The following BCL11B variants were observed in gnomAD, a reference collection of about 807,000 sequenced individuals.
BCL11B encodes B-cell lymphoma/leukemia 11B.
In BCL11B, 8 loss-of-function variants were observed where a neutral mutation model predicts 49.9. That is an observed-to-expected ratio of 0.16 (90% confidence interval 0.09 to 0.29). The LOEUF (loss-of-function observed/expected upper bound fraction) is 0.29. Ranked by LOEUF, BCL11B falls within the 10% of genes least tolerant of loss-of-function variation. The pLI, the probability that BCL11B is intolerant of heterozygous loss-of-function variation, is 1.00. For synonymous variants in BCL11B, 739 were observed against 637.4 expected, an observed-to-expected ratio of 1.16 and a Z score of -2.40; for missense variants, 1,006 against 1,351.0, an observed-to-expected ratio of 0.74 and a Z score of 4.00.
chr14:99,212,911 C>T lies in BCL11B; in HGVS notation c.640+18434G>A, dbSNP rs74080359. ...TAGACAAGAAGTCTCTGGGTCTGTC[C>T]CCAAACCCAGTGATACTTTGCTTTG... is the stretch of plus-strand genomic sequence containing the variant. On this transcript the variant is annotated intron_variant, in intron 3 of 3. Coordinates refer to ENST00000357195, the MANE Select transcript of BCL11B (RefSeq NM_138576.4). 7.0e-3 allele frequency among the ~76,000 whole-genome samples: 1,060 copies of T among 152,308 alleles called. 6 individuals are homozygous for T. The highest frequency in any genetic ancestry group is 0.024 in the African/African-American group (1,011 of 41,566).
At chr14:99,189,681 C>T (rs1378768851) in intron 3 of BCL11B, among the ~76,000 whole-genome samples, 4 of 152,204 alleles carry the variant, frequency 2.6e-5, no homozygotes, top group African/African-American at 7.2e-5. Flanking sequence ...GACTGCCCCC[C>T]ACCCCATGAG....
intron 3 of BCL11B, among the ~76,000 whole-genome samples, chr14:99,176,571 A>T (rs1394669207): frequency 6.6e-6 from 1 of 152,230 alleles, no homozygotes; most frequent in Non-Finnish European, 1.5e-5. Context: ...GGACTGTGTA[A>T]CAGCCCTGGC....
intron 3 of BCL11B, among the ~76,000 whole-genome samples, chr14:99,209,234 G>T (rs547397732): frequency 9.1e-4 from 138 of 152,248 alleles, no homozygotes; most frequent in African/African-American, 3.2e-3. Context: ...ACTCTGAAGG[G>T]AAAGGGCGAT....
intron 2 of BCL11B, among the ~76,000 whole-genome samples, chr14:99,234,108 G>A (rs1447956843): frequency 6.6e-6 from 1 of 152,096 alleles, no homozygotes; most frequent in Non-Finnish European, 1.5e-5. Context: ...TTCATAAGAG[G>A]CAAATCCACG....
Position 99,169,786 on chromosome 14 carries a change from C to A in BCL11B, c.*4365G>T, listed in dbSNP as rs956573535. Reference sequence around the variant, plus strand: ...CCTTCGGCTGACGGTTACTTAGGACCGGGATGAAAGGCTGATTTCCTTACT... The same window carrying A: ...CCTTCGGCTGACGGTTACTTAGGACAGGGATGAAAGGCTGATTTCCTTACT... On this transcript the variant is annotated 3_prime_UTR_variant, in exon 4 of 4. Transcript: ENST00000357195. 1 of 225,424 alleles carries A rather than the reference C, an allele frequency of 4.4e-6. No individual in the cohort carries two copies. The highest frequency in any genetic ancestry group is 2.2e-5 in the African/African-American group (1 of 44,848). 14.0% of individuals were successfully genotyped at this position (225,424 alleles called of 1,614,324 possible). A position where few individuals can be genotyped will look rare whatever the true frequency, so the allele number is the denominator to read the frequency against.
chr14:99,262,772 C>T lies in BCL11B; in HGVS notation c.59-4933G>A, dbSNP rs1333240723. Reference sequence around the variant, plus strand: ...CAGGCGACACGGAAACGCCACCACACGCACACTCGACGGAGCACAACACTT... The same window carrying T: ...CAGGCGACACGGAAACGCCACCACATGCACACTCGACGGAGCACAACACTT... On this transcript the variant is annotated intron_variant, in intron 1 of 3. Coordinates refer to ENST00000357195, the MANE Select transcript of BCL11B (RefSeq NM_138576.4). This position sits in a 1 kb window ranked among gnomAD's most constrained non-coding sequence, Gnocchi z 4.2. Among the ~76,000 whole-genome samples the T allele has an allele frequency of 1.3e-5, 2 of 152,080 alleles. No homozygotes were observed. Among genetic ancestry groups the T allele is most frequent in the Non-Finnish European group, 2.9e-5 (2 of 68,030 alleles).
At chr14:99,187,356 C>T (rs1337925796) in intron 3 of BCL11B, among the ~76,000 whole-genome samples, 2 of 152,138 alleles carry the variant, frequency 1.3e-5, no homozygotes, top group Non-Finnish European at 2.9e-5. Context: ...TTAGAGGTCC[C>T]GCCTTCGGAT....
intron 2 of BCL11B, among the ~76,000 whole-genome samples, chr14:99,233,600 G>C (rs1888400056): frequency 6.6e-6 from 1 of 152,324 alleles, no homozygotes; most frequent in East Asian, 1.9e-4. Flanking sequence ...TCGAGGCCTG[G>C]TAAGGGTTGT....
intron 3 of BCL11B, among the ~76,000 whole-genome samples, chr14:99,199,704 ACGTGTGTG>A (rs1230151052): frequency 4.8e-5 from 3 of 62,478 alleles, no homozygotes; most frequent in Non-Finnish European, 1.0e-4. Context: ...GCGCACGTGC[ACGTGTGTG>A]CGTGTGTGCA....
chr14:99,199,689 CGCGCGCGCACGT>C (rs1307648331), intron 3 of BCL11B, among the ~76,000 whole-genome samples: 1 of 60,148 alleles, frequency 1.7e-5, no homozygotes, highest in Admixed American at 1.6e-4. Context: ...TGTGTGCGCG[CGCGCGCGCACGT>C]GCACGTGTGT....
Position 99,175,611 on chromosome 14 carries a change from G to A in BCL11B, c.1225C>T (p.Leu409=). ...PKSPFLSTPP[L]PPMPPGGTPP... ...GTGCCGCCAGGGGGCATGGGCGGCA[G>A]CGGCGGCGTGCTCAGGAACGGGGAC... The change falls in exon 4 of 4, where the codon CTG becomes TTG. Residue 409 remains leucine, a synonymous_variant. Coordinates refer to ENST00000357195, the MANE Select transcript of BCL11B (RefSeq NM_138576.4). The A allele has an allele frequency of 6.4e-7, 1 of 1,563,654 alleles. No homozygotes were observed. Among genetic ancestry groups the A allele is most frequent in the South Asian group, 1.2e-5 (1 of 85,634 alleles).
rs371957441 is a variant in BCL11B, at chr14:99,199,230, T to A, written c.641-23035A>T. On this transcript the variant is annotated intron_variant, in intron 3 of 3. Coordinates refer to ENST00000357195, the MANE Select transcript of BCL11B (RefSeq NM_138576.4). ...GTCAACTGGCAGTTAGAAGTGTTCA[T>A]TTTCATTTCAATGTATTCATCTCTG... 5.3e-5 allele frequency among the ~76,000 whole-genome samples: 8 copies of A among 152,328 alleles called. No individual in the cohort carries two copies. In the East Asian group the frequency reaches 1.5e-3, roughly 29 times the overall value.
chr14:99,266,882 G>A (rs1426432943), intron 1 of BCL11B, among the ~76,000 whole-genome samples: 1 of 152,212 alleles, frequency 6.6e-6, no homozygotes, highest in Non-Finnish European at 1.5e-5. Flanking sequence ...AGATGAAAAG[G>A]GGATAAGTGA....
intron 3 of BCL11B, among the ~76,000 whole-genome samples, chr14:99,218,675 G>A (rs1887924817): frequency 6.6e-6 from 1 of 152,116 alleles, no homozygotes. Context: ...TGGGTTTCCT[G>A]CCCTGGAAGG....
At chr14:99,270,487 T>C (rs1190628318) in intron 1 of BCL11B, among the ~76,000 whole-genome samples, 1 of 39,206 alleles carries the variant, frequency 2.6e-5, no homozygotes, top group South Asian at 9.0e-4. Context: ...AAGTGGGGGG[T>C]GGGGAGGGGG....
Position 99,231,418 on chromosome 14 carries a change from G to A in BCL11B, c.567C>T (p.Arg189=), listed in dbSNP as rs922277828. ...CCTGAGTCCCGTCACCCGAGACCGGGCGCGCGCTGCAGCACGGCAGGGGGA... is the reference window on the plus strand; with the variant it reads ...CCTGAGTCCCGTCACCCGAGACCGGACGCGCGCTGCAGCACGGCAGGGGGA... The part of the protein sequence containing the change: ...PCLPLPCCSA[R]PVSGDGTQGE... The change falls in exon 3 of 4, where the codon CGC becomes CGT. Residue 189 remains arginine (R), a synonymous_variant. Coordinates refer to ENST00000357195, the MANE Select transcript of BCL11B (RefSeq NM_138576.4). The surrounding 1 kb of genome is among the most constrained non-coding windows in gnomAD (Gnocchi z 8.1). 6.3e-7 allele frequency: 1 copy of A among 1,597,134 alleles called. No individual in the cohort carries two copies. The highest frequency in any genetic ancestry group is 1.3e-5 in the African/African-American group (1 of 74,528).
rs930124103 is a variant in BCL11B, at chr14:99,241,665, G to C, written c.428-10108C>G. Among the ~76,000 whole-genome samples, 7 of 151,968 alleles carry C rather than the reference G, an allele frequency of 4.6e-5. No individual in the cohort carries two copies. The highest frequency in any genetic ancestry group is 8.8e-5 in the Non-Finnish European group (6 of 68,010). Reference sequence around the variant, plus strand: ...CTTGCTACGTGTCCCTGTGCTGTAGGGGGGACGATGTCGCTTTTTTCCCCC... The same window carrying C: ...CTTGCTACGTGTCCCTGTGCTGTAGCGGGGACGATGTCGCTTTTTTCCCCC... On this transcript the variant is annotated intron_variant, in intron 2 of 3. Transcript: ENST00000357195. This position sits in a 1 kb window ranked among gnomAD's most constrained non-coding sequence, Gnocchi z 4.4.
intron 1 of BCL11B, among the ~76,000 whole-genome samples, chr14:99,268,021 G>C (rs1435853219): frequency 1.3e-5 from 2 of 151,650 alleles, no homozygotes; most frequent in Admixed American, 1.3e-4. Flanking sequence ...GTGGTCAGCC[G>C]ATCCCCCTTA....
In BCL11B at chr14:99,195,049, C is replaced by T. The variant is rs1190924386; in HGVS notation, c.641-18854G>A. 6.6e-6 allele frequency among the ~76,000 whole-genome samples: 1 copy of T among 152,162 alleles called. No homozygotes were observed. The highest frequency in any genetic ancestry group is 1.5e-5 in the Non-Finnish European group (1 of 68,024). On this transcript the variant is annotated intron_variant, in intron 3 of 3. Transcript: ENST00000357195. The surrounding 1 kb of genome is among the most constrained non-coding windows in gnomAD (Gnocchi z 4.7). Reference sequence around the variant, plus strand: ...TGCACAGATGGGAAAACGAAGGCTGCCCAGCATGCAGAAAGGGCTTCCTGA... The same window carrying T: ...TGCACAGATGGGAAAACGAAGGCTGTCCAGCATGCAGAAAGGGCTTCCTGA...
Sources: allele counts gnomAD v4.1 joint callset (sites outside exome capture counted in the v4.1 genomes callset), GRCh38; gene constraint gnomAD v4.1.1; non-coding constraint Gnocchi (gnomAD v3.1); transcripts MANE v1.5; gene names NCBI Gene and HGNC (gene_info 2026-07-23, HGNC 2026-07-21).